SYT1: variants seen among roughly 807,000 people sequenced by gnomAD.
SYT1 encodes the protein synaptotagmin-1.
Under a neutral mutation model 44.8 loss-of-function variants are expected in SYT1, and 8 were observed. The ratio of observed to expected loss-of-function variants is 0.18; its 90% CI spans 0.10 to 0.32. The LOEUF (loss-of-function observed/expected upper bound fraction) is 0.32. Ranked by LOEUF, SYT1 falls within the 10% of genes least tolerant of loss-of-function variation. SYT1 has a pLI of 1.00. For missense variants in SYT1, 286 were observed against 509.3 expected (o/e 0.56, Z 4.22); for synonymous variants, 154 against 188.8 (o/e 0.82, Z 1.51).
chr12:78,974,772 C>T (rs1592622724), intron 1 of SYT1, among the ~76,000 whole-genome samples: 1 of 152,072 alleles, frequency 6.6e-6, no homozygotes, highest in African/African-American at 2.4e-5. Flanking sequence ...AATAGTTATT[C>T]CTGAGAATAG....
chr12:78,889,156 G>A lies in SYT1; in HGVS notation c.-217+24047G>A, dbSNP rs1015706785. ...TGTATAGAATTCCTGCTTTGTCTGGGAATGTTTGTTAAGAACTAGTTCAGG... is the reference window on the plus strand; with the variant it reads ...TGTATAGAATTCCTGCTTTGTCTGGAAATGTTTGTTAAGAACTAGTTCAGG... On this transcript the variant is annotated intron_variant, in intron 1 of 10. Coordinates refer to ENST00000261205, the MANE Select transcript of SYT1 (RefSeq NM_005639.3). 7.9e-5 allele frequency among the ~76,000 whole-genome samples: 12 copies of A among 151,832 alleles called. No individual in the cohort carries two copies. In the East Asian group the frequency reaches 2.0e-3, roughly 25 times the overall value.
intron 3 of SYT1, among the ~76,000 whole-genome samples, chr12:79,211,759 A>C (rs1191017926): frequency 6.6e-6 from 1 of 152,060 alleles, no homozygotes; most frequent in Non-Finnish European, 1.5e-5. Context: ...GTCCCTACAA[A>C]GGACATGAAC....
At chr12:79,215,186 C>A (rs1874708437) in intron 3 of SYT1, among the ~76,000 whole-genome samples, 1 of 152,042 alleles carries the variant, frequency 6.6e-6, no homozygotes, top group African/African-American at 2.4e-5. Context: ...ACATTCTGGA[C>A]AATTCTGGGA....
In SYT1 at chr12:78,967,241, A is replaced by G. The variant is rs116535765; in HGVS notation, c.-216-10558A>G. 1.1e-3 allele frequency among the ~76,000 whole-genome samples: 169 copies of G among 152,324 alleles called. 1 individual carries two copies. Among genetic ancestry groups the G allele is most frequent in the African/African-American group, 3.9e-3 (162 of 41,590 alleles). ...TCTGACGGCAAAAGCTGACATGTAT[A>G]CAATCAACTGTAGTATTTGAAAGGA... On this transcript the variant is annotated intron_variant, in intron 1 of 10. Coordinates refer to ENST00000261205, the MANE Select transcript of SYT1 (RefSeq NM_005639.3).
intron 8 of SYT1, among the ~76,000 whole-genome samples, chr12:79,313,070 C>T (rs1173465210): frequency 1.3e-5 from 2 of 152,194 alleles, no homozygotes; most frequent in Non-Finnish European, 2.9e-5. Flanking sequence ...AAACTTACAG[C>T]TGGTGTTCCC....
At chr12:79,367,504 T>C (rs751252907) in intron 9 of SYT1, among the ~76,000 whole-genome samples, 24 of 152,268 alleles carry the variant, frequency 1.6e-4, no homozygotes, top group East Asian at 7.7e-4. Context: ...CTTTCACCTG[T>C]CTCTACAAAT....
intron 8 of SYT1, among the ~76,000 whole-genome samples, chr12:79,337,996 G>A (rs552760318): frequency 3.3e-5 from 5 of 152,274 alleles, no homozygotes; most frequent in African/African-American, 1.2e-4. Context: ...AGGACATGTG[G>A]TTGACAGAGG....
At chr12:79,382,509 T>G (rs1884265706) in intron 9 of SYT1, among the ~76,000 whole-genome samples, 1 of 152,026 alleles carries the variant, frequency 6.6e-6, no homozygotes, top group South Asian at 2.1e-4. Flanking sequence ...TATTTACTAA[T>G]AGATAATAAA....
chr12:78,926,404 T>C (rs1194668607), intron 1 of SYT1, among the ~76,000 whole-genome samples: 2 of 152,078 alleles, frequency 1.3e-5, no homozygotes, highest in African/African-American at 4.8e-5. Context: ...ATTCAGTAAA[T>C]ATGTCAGAGA....
intron 3 of SYT1, among the ~76,000 whole-genome samples, chr12:79,110,768 C>T (rs983232487): frequency 9.2e-5 from 14 of 152,062 alleles, no homozygotes; most frequent in Non-Finnish European, 1.8e-4. Flanking sequence ...AAAGATGTAC[C>T]GATGATTGGT....
rs186953424 is a variant in SYT1, at chr12:78,947,745, G to C, written c.-216-30054G>C. ...TTGTTATTCTTTATATAACTATTTAGGTTATTTTAATTGGTTTAAAAAAGC... is the reference window on the plus strand; with the variant it reads ...TTGTTATTCTTTATATAACTATTTACGTTATTTTAATTGGTTTAAAAAAGC... On this transcript the variant is annotated intron_variant, in intron 1 of 10. Coordinates refer to ENST00000261205, the MANE Select transcript of SYT1 (RefSeq NM_005639.3). 1.7e-4 allele frequency among the ~76,000 whole-genome samples: 26 copies of C among 150,854 alleles called. No individual in the cohort carries two copies. In the East Asian group the frequency reaches 4.9e-3, roughly 28 times the overall value.
intron 3 of SYT1, among the ~76,000 whole-genome samples, chr12:79,199,556 C>G (rs944683645): frequency 6.6e-6 from 1 of 152,230 alleles, no homozygotes; most frequent in African/African-American, 2.4e-5. Context: ...AACACCAATT[C>G]TCTCTAAAAT....
At chr12:79,143,068 T>TA (rs926451110) in intron 3 of SYT1, among the ~76,000 whole-genome samples, 3 of 151,944 alleles carry the variant, frequency 2.0e-5, no homozygotes, top group East Asian at 1.9e-4. Flanking sequence ...ATCCTACATT[T>TA]AAAAAAAAGA....
At chr12:78,891,587 A>G (rs1256434660) in intron 1 of SYT1, among the ~76,000 whole-genome samples, 3 of 151,960 alleles carry the variant, frequency 2.0e-5, no homozygotes, top group Admixed American at 6.6e-5. Flanking sequence ...TCCACGGTGA[A>G]ATGATGGTTA....
At chr12:79,272,965 G>A in intron 4 of SYT1, among the ~76,000 whole-genome samples, 1 of 152,190 alleles carries the variant, frequency 6.6e-6, no homozygotes, top group East Asian at 1.9e-4. Flanking sequence ...TGAGTACAAT[G>A]TTAGAGTCTT....
intron 4 of SYT1, among the ~76,000 whole-genome samples, chr12:79,232,409 G>A (rs989150685): frequency 6.6e-6 from 1 of 151,962 alleles, no homozygotes; most frequent in Admixed American, 6.6e-5. Context: ...TCAACTGTTC[G>A]CCCTCACACA....
rs373264605 is a variant in SYT1 at position 78,929,446 on chromosome 12, A to AAAAAAAAAAAAAAAAAG, written c.-216-48353_-216-48352insAAAAAAAAAAAAAAAAG. Reference sequence around the variant, plus strand: ...AAAAAAAAAAAAAAAAAAAAAAAAAAGGTTATTAGCAGCAATTAGTTTTAT... The same window carrying AAAAAAAAAAAAAAAAAG: ...AAAAAAAAAAAAAAAAAAAAAAAAAAAAAAAAAAAAAAAAAAGGGTTATTAGCAGCAATTAGTTTTAT... On this transcript the variant is annotated intron_variant, in intron 1 of 10. Coordinates refer to ENST00000261205, the MANE Select transcript of SYT1 (RefSeq NM_005639.3). Among the ~76,000 whole-genome samples the AAAAAAAAAAAAAAAAAG allele has an allele frequency of 1.1e-3, 146 of 128,574 alleles. 28 individuals are homozygous for AAAAAAAAAAAAAAAAAG. Among genetic ancestry groups the AAAAAAAAAAAAAAAAAG allele is most frequent in the African/African-American group, 5.6e-3 (144 of 25,890 alleles). 84.3% of individuals were successfully genotyped at this position (128,574 alleles called of 152,430 possible).
At chr12:79,290,071 A>C (rs61928788) in intron 5 of SYT1, among the ~76,000 whole-genome samples, 8,855 of 152,222 alleles carry the variant, frequency 0.058, 336 homozygotes, top group African/African-American at 0.097. Context: ...TAAACTTTCC[A>C]AATTAAGTGG....
intron 3 of SYT1, among the ~76,000 whole-genome samples, chr12:79,119,101 T>A (rs1353777669): frequency 6.6e-6 from 1 of 152,112 alleles, no homozygotes; most frequent in Non-Finnish European, 1.5e-5. Flanking sequence ...ACAAATTTTA[T>A]CTCCTCTATA....
Sources: gnomAD v4.1 joint callset for allele counts (sites outside exome capture counted in the v4.1 genomes callset) on GRCh38, gnomAD v4.1.1 for gene constraint, MANE v1.5 for transcripts, NCBI Gene and HGNC (gene_info 2026-07-23, HGNC 2026-07-21) for gene names.